Variants in ITPR1 observed in about 807,000 individuals in gnomAD.
ITPR1 encodes the protein inositol 1,4,5-trisphosphate-gated calcium channel ITPR1.
A neutral mutation model predicts 318.4 loss-of-function variants in ITPR1; 96 were observed. That is an observed-to-expected ratio of 0.30 (90% CI 0.26 to 0.36). The LOEUF (loss-of-function observed/expected upper bound fraction) is 0.36, where lower values mean the gene tolerates loss of function less well. ITPR1 is among the 10% of genes least tolerant of loss of function. The probability of loss-of-function intolerance (pLI) is 1.00; values close to 1 mark genes in which losing one functional copy is unlikely to be tolerated. For synonymous variants in ITPR1, 1,312 were observed against 1,289.9 expected, an observed-to-expected ratio of 1.02 and a Z score of -0.37; for missense variants, 2,440 against 3,460.2, an observed-to-expected ratio of 0.71 and a Z score of 7.40.
intron 35 of ITPR1, among the ~76,000 whole-genome samples, chr3:4,702,555 T>C (rs1449447721): frequency 6.6e-6 from 1 of 152,198 alleles, no homozygotes; most frequent in South Asian, 2.1e-4. Context: ...GATCCATTGC[T>C]CCTTCTTGTG....
intron 4 of ITPR1, among the ~76,000 whole-genome samples, chr3:4,564,057 T>G (rs938973869): frequency 6.6e-6 from 1 of 152,052 alleles, no homozygotes; most frequent in Non-Finnish European, 1.5e-5. Context: ...TTCTCTTGCC[T>G]CAGCCTCCTG....
intron 60 of ITPR1, 114 bp downstream of exon 60, chr3:4,818,356 C>A: frequency 2.5e-6 from 2 of 810,310 alleles, no homozygotes; most frequent in Non-Finnish European, 3.7e-6. Flanking sequence ...TCCGATGTTG[C>A]CTGAGCCCTT....
chr3:4,556,230 T>C (rs2086112648), intron 4 of ITPR1, among the ~76,000 whole-genome samples: 1 of 152,108 alleles, frequency 6.6e-6, no homozygotes, highest in Non-Finnish European at 1.5e-5. Flanking sequence ...CCCATCAGGG[T>C]GCACAGCCTC....
intron 60 of ITPR1, among the ~76,000 whole-genome samples, chr3:4,830,439 TC>T (rs1446846807): frequency 6.6e-6 from 1 of 152,194 alleles, no homozygotes; most frequent in Non-Finnish European, 1.5e-5. Flanking sequence ...AATTTTTTTT[TC>T]TTCCTCTTCA....
chr3:4,498,365 A>G (rs2080763786), intron 2 of ITPR1, among the ~76,000 whole-genome samples: 1 of 152,184 alleles, frequency 6.6e-6, no homozygotes, highest in African/African-American at 2.4e-5. Flanking sequence ...TCCAAATGTC[A>G]GAGCAGCAAG....
chr3:4,505,967 G>A (rs1309366824), intron 2 of ITPR1, among the ~76,000 whole-genome samples: 1 of 152,204 alleles, frequency 6.6e-6, no homozygotes, highest in Admixed American at 6.5e-5. Context: ...AGTAGTTTAT[G>A]AGAATAGAAA....
At chr3:4,586,605 GCTCAAGCCATCCTCCCAC>G (rs2089927863) in intron 4 of ITPR1, among the ~76,000 whole-genome samples, 1 of 150,834 alleles carries the variant, frequency 6.6e-6, no homozygotes, top group Non-Finnish European at 1.5e-5. Context: ...GACCTCCCTG[GCTCAAGCCATCCTCCCAC>G]CTCAGCTTCC....
At chr3:4,675,823 G>A (rs1488282498) in intron 23 of ITPR1, among the ~76,000 whole-genome samples, 4 of 152,178 alleles carry the variant, frequency 2.6e-5, no homozygotes, top group African/African-American at 9.7e-5. Flanking sequence ...AGCTAGAACA[G>A]AAAGAAATAC....
chr3:4,683,527 G>C lies in ITPR1; in HGVS notation c.3303G>C (p.Gln1101His), dbSNP rs1232061247. The change falls in exon 27 of 62, where the codon CAG becomes CAC. Residue 1101 changes from glutamine to histidine, a missense_variant. Gln to His is a conservative substitution (Grantham distance 24). This residue lies in a region of ITPR1 where 76 missense variants were observed against 132.2 expected (regional missense o/e 0.58). Transcript: ENST00000649015. ...TCTTCCGGCACTTCAGCCAGAGGCA[G>C]GAGGTGCTCCAGGCCTTCAAACAGG... is the stretch of plus-strand genomic sequence containing the variant. The part of the protein sequence containing the change: ...QLLFRHFSQR[Q>H]EVLQAFKQVQ... 22 of 1,613,896 alleles carry C rather than the reference G, an allele frequency of 1.4e-5. No homozygotes were observed. Among genetic ancestry groups the C allele is most frequent in the Non-Finnish European group, 1.9e-5 (22 of 1,179,852 alleles).
At chr3:4,542,683 C>CA (rs1559415444) in intron 4 of ITPR1, among the ~76,000 whole-genome samples, 4 of 54,734 alleles carry the variant, frequency 7.3e-5, no homozygotes, top group East Asian at 4.7e-4. Context: ...TTGTGTGTGG[C>CA]GGGGGGGTGG....
At chr3:4,762,202 C>G (rs1197055626) in intron 44 of ITPR1, among the ~76,000 whole-genome samples, 2 of 152,206 alleles carry the variant, frequency 1.3e-5, no homozygotes, top group Non-Finnish European at 2.9e-5. Context: ...AGAAGTCTCA[C>G]TATGTTGCCC....
At chr3:4,817,889 C>T (rs1039843501) in intron 59 of ITPR1, among the ~76,000 whole-genome samples, 193 bp from the exon 60 acceptor site, 2 of 152,224 alleles carry the variant, frequency 1.3e-5, no homozygotes, top group African/African-American at 2.4e-5. Context: ...AAACCCAAGT[C>T]TGTCTGACTC....
chr3:4,610,847 C>G (rs973083490), intron 4 of ITPR1, among the ~76,000 whole-genome samples: 1 of 147,796 alleles, frequency 6.8e-6, no homozygotes, highest in African/African-American at 2.5e-5. Flanking sequence ...CTTTCTCTTT[C>G]CCTTTCCTGT....
chr3:4,691,793 T>C (rs2094482924), intron 32 of ITPR1, among the ~76,000 whole-genome samples: 1 of 152,198 alleles, frequency 6.6e-6, no homozygotes, highest in South Asian at 2.1e-4. Context: ...CTTGGTTTAT[T>C]ATGAATTCAC....
intron 2 of ITPR1, among the ~76,000 whole-genome samples, chr3:4,501,638 G>A (rs1247222162): frequency 6.6e-6 from 1 of 152,190 alleles, no homozygotes; most frequent in Non-Finnish European, 1.5e-5. Context: ...CTTTTCCCCT[G>A]CAGCCTTATT....
chr3:4,618,678 G>A (rs923250518), intron 4 of ITPR1, among the ~76,000 whole-genome samples: 1 of 152,050 alleles, frequency 6.6e-6, no homozygotes, highest in East Asian at 1.9e-4. Flanking sequence ...TCCATGTGCC[G>A]GATCCATCGG....
chr3:4,562,081 A>T lies in ITPR1; in HGVS notation c.163+40987A>T, dbSNP rs2086731197. Among the ~76,000 whole-genome samples, 3 of 131,238 alleles carry T rather than the reference A, an allele frequency of 2.3e-5. No individual in the cohort carries two copies. The South Asian group carries it at 7.4e-4, about 33-fold the overall frequency. 86.1% of individuals were successfully genotyped at this position (131,238 alleles called of 152,430 possible). ...ACAGAAAATACACTAACAACAGCTT[A>T]TGAGCTTAAATAAATAAATAAATAA... On this transcript the variant is annotated intron_variant, in intron 4 of 61. Transcript: ENST00000649015.
In ITPR1 at chr3:4,725,534, A is replaced by C. The variant is rs2042449566; in HGVS notation, c.5137-12A>C. On this transcript the variant is annotated splice_polypyrimidine_tract_variant and intron_variant, in intron 40 of 61. Coordinates refer to ENST00000649015, the MANE Select transcript of ITPR1 (RefSeq NM_001378452.1). Reference sequence around the variant, plus strand: ...TGCCATGACTAACGTACTTCGTTTTACTCCCAATTAGCTTCCTCCAGCTCC... The same window carrying C: ...TGCCATGACTAACGTACTTCGTTTTCCTCCCAATTAGCTTCCTCCAGCTCC... 6.3e-7 allele frequency: 1 copy of C among 1,597,096 alleles called. No homozygotes were observed. The highest frequency in any genetic ancestry group is 8.5e-7 in the Non-Finnish European group (1 of 1,178,704).
intron 4 of ITPR1, among the ~76,000 whole-genome samples, chr3:4,575,974 C>T (rs910719804): frequency 1.3e-5 from 2 of 149,434 alleles, no homozygotes; most frequent in Non-Finnish European, 3.0e-5. Context: ...GAGCCATGGT[C>T]ATGCCACCAC....
Sources: gnomAD v4.1 joint callset for allele counts (sites outside exome capture counted in the v4.1 genomes callset) on GRCh38, gnomAD v4.1.1 for gene constraint, gnomAD v4.1.1 regional missense constraint, MANE v1.5 for transcripts, NCBI Gene and HGNC (gene_info 2026-07-23, HGNC 2026-07-21) for gene names.